Variants in EYA2 observed in about 807,000 individuals in gnomAD.
EYA2 encodes the protein protein phosphatase EYA2.
EYA2 carries 31 observed loss-of-function variants against 69.2 expected under a neutral mutation model. That is an observed-to-expected ratio of 0.45 (90% CI 0.34 to 0.60). The LOEUF is 0.60. EYA2 is among the 20% of genes least tolerant of loss of function. The pLI, the probability that EYA2 is intolerant of heterozygous loss-of-function variation, is 0.02. For missense variants in EYA2, 622 were observed against 701.2 expected (o/e 0.89, Z 1.28); for synonymous variants, 257 against 279.4 (o/e 0.92, Z 0.80).
intron 5 of EYA2, among the ~76,000 whole-genome samples, chr20:47,045,767 G>A (rs1002432940): frequency 1.3e-5 from 2 of 152,156 alleles, no homozygotes; most frequent in African/African-American, 2.4e-5. Flanking sequence ...TGGTATATGC[G>A]GGTTTGGGAG....
chr20:46,924,235 G>A (rs892979514), intron 1 of EYA2, among the ~76,000 whole-genome samples: 1 of 152,180 alleles, frequency 6.6e-6, no homozygotes, highest in African/African-American at 2.4e-5. Context: ...GGTATGGGTG[G>A]CACATGGAGA....
chr20:47,087,009 T>A (rs1368276633), intron 7 of EYA2, among the ~76,000 whole-genome samples: 20 of 152,308 alleles, frequency 1.3e-4, no homozygotes, highest in African/African-American at 4.1e-4. Context: ...CTTCAGCATC[T>A]GTGAATTGAG....
intron 1 of EYA2, among the ~76,000 whole-genome samples, chr20:46,956,210 T>C (rs2146281721): frequency 6.6e-6 from 1 of 152,254 alleles, no homozygotes; most frequent in East Asian, 1.9e-4. Context: ...TACACCTGCT[T>C]AGCATCTGAT....
intron 10 of EYA2, among the ~76,000 whole-genome samples, chr20:47,166,267 G>GCA (rs2034183233): frequency 6.6e-6 from 1 of 151,528 alleles, no homozygotes; most frequent in Non-Finnish European, 1.5e-5. Flanking sequence ...AGGCATGGTG[G>GCA]CACACACCTG....
chr20:47,039,111 T>TCACACACACA (rs11467574), intron 5 of EYA2, among the ~76,000 whole-genome samples: 2,910 of 149,956 alleles, frequency 0.019, 59 homozygotes, highest in Admixed American at 0.068. Context: ...GATGTCGAAA[T>TCACACACACA]CACACACACA....
At chr20:46,912,846 G>A (rs1236642392) in intron 1 of EYA2, among the ~76,000 whole-genome samples, 6 of 151,334 alleles carry the variant, frequency 4.0e-5, no homozygotes, top group Admixed American at 6.6e-5. Context: ...GACTACAGGC[G>A]CCCGCCACCG....
intron 5 of EYA2, among the ~76,000 whole-genome samples, chr20:47,047,309 G>A (rs936157099): frequency 3.9e-5 from 6 of 152,132 alleles, no homozygotes; most frequent in Non-Finnish European, 7.4e-5. Flanking sequence ...GCCCACAGGA[G>A]TAGGGCAGGT....
At chr20:46,904,690 G>A (rs1359761020) in intron 1 of EYA2, among the ~76,000 whole-genome samples, 5 of 152,130 alleles carry the variant, frequency 3.3e-5, no homozygotes, top group African/African-American at 9.7e-5. Context: ...CCTGCTACTC[G>A]ATCCTGCCAA....
At chr20:47,144,861 G>A (rs917007744) in intron 10 of EYA2, among the ~76,000 whole-genome samples, 4 of 152,168 alleles carry the variant, frequency 2.6e-5, no homozygotes, top group South Asian at 2.1e-4. Flanking sequence ...TCTATGGCTC[G>A]AAGGACACAA....
At chr20:47,146,577 G>A (rs982102948) in intron 10 of EYA2, among the ~76,000 whole-genome samples, 2 of 152,192 alleles carry the variant, frequency 1.3e-5, no homozygotes, top group African/African-American at 4.8e-5. Context: ...TTGAAACCAC[G>A]TTATACGATG....
At chr20:46,914,952 CA>C (rs1984829625) in intron 1 of EYA2, among the ~76,000 whole-genome samples, 2 of 152,132 alleles carry the variant, frequency 1.3e-5, no homozygotes, top group South Asian at 2.1e-4. Context: ...AGTATGGGGA[CA>C]GGGGGCCGTG....
chr20:47,006,229 CT>C (rs1982705741), intron 4 of EYA2, among the ~76,000 whole-genome samples: 1 of 152,250 alleles, frequency 6.6e-6, no homozygotes, highest in South Asian at 2.1e-4. Context: ...AAGATAGGTG[CT>C]GTGGGTGGCC....
chr20:46,955,746 A>C (rs1331875682), intron 1 of EYA2, among the ~76,000 whole-genome samples: 1 of 152,200 alleles, frequency 6.6e-6, no homozygotes, highest in Non-Finnish European at 1.5e-5. Context: ...CTGTTAGTAC[A>C]TCTAGATCTT....
intron 1 of EYA2, among the ~76,000 whole-genome samples, chr20:46,899,547 A>G (rs1446271381): frequency 1.3e-5 from 2 of 152,218 alleles, no homozygotes; most frequent in African/African-American, 4.8e-5. Flanking sequence ...AGGCCCTAAA[A>G]CATTACGGTA....
intron 5 of EYA2, among the ~76,000 whole-genome samples, chr20:47,071,419 G>C (rs769921842): frequency 6.6e-6 from 1 of 152,104 alleles, no homozygotes; most frequent in African/African-American, 2.4e-5. Flanking sequence ...TAGAACTCTC[G>C]TGAATTCCTA....
At chr20:47,042,963 G>A (rs987278024) in intron 5 of EYA2, among the ~76,000 whole-genome samples, 1 of 152,156 alleles carries the variant, frequency 6.6e-6, no homozygotes, top group Non-Finnish European at 1.5e-5. Context: ...GTACATTGCC[G>A]CTCCAGTTGG....
At chr20:46,985,929 T>G (rs898315283) in intron 1 of EYA2, among the ~76,000 whole-genome samples, 2 of 152,216 alleles carry the variant, frequency 1.3e-5, no homozygotes, top group Non-Finnish European at 2.9e-5. Flanking sequence ...ATTTGCTGCT[T>G]CTAATACTCT....
intron 1 of EYA2, among the ~76,000 whole-genome samples, chr20:46,951,657 A>G (rs1978806735): frequency 6.6e-6 from 1 of 152,196 alleles, no homozygotes; most frequent in Admixed American, 6.5e-5. Context: ...CAGAGGACTC[A>G]GATTCTTGTC....
At chr20:47,043,384 C>T (rs938491982) in intron 5 of EYA2, among the ~76,000 whole-genome samples, 3 of 152,134 alleles carry the variant, frequency 2.0e-5, no homozygotes, top group Non-Finnish European at 4.4e-5. Context: ...ACAGGAGTCT[C>T]AGGAAGGAGG....
Sources: allele counts gnomAD v4.1 joint callset (sites outside exome capture counted in the v4.1 genomes callset), GRCh38; gene constraint gnomAD v4.1.1; transcripts MANE v1.5; gene names NCBI Gene and HGNC (gene_info 2026-07-23, HGNC 2026-07-21).